Variants in MINDY3 observed in about 807,000 individuals in gnomAD.
The protein encoded by MINDY3 is ubiquitin carboxyl-terminal hydrolase MINDY-3.
A neutral mutation model predicts 69.2 loss-of-function variants in MINDY3; 38 were observed. The observed-to-expected ratio is 0.55, with a 90% CI of 0.42 to 0.72. The LOEUF (loss-of-function observed/expected upper bound fraction) is 0.72, where lower values mean the gene tolerates loss of function less well. Among genes scored for constraint, MINDY3 ranks in the 30% least tolerant of loss-of-function variants. The pLI is 0.00. For missense variants in MINDY3, 522 were observed against 519.0 expected, an observed-to-expected ratio of 1.01 and a Z score of -0.06; for synonymous variants, 192 against 180.1, an observed-to-expected ratio of 1.07 and a Z score of -0.53.
chr10:15,784,209 A>T (rs1002815299), intron 13 of MINDY3, among the ~76,000 whole-genome samples: 5 of 152,210 alleles, frequency 3.3e-5, no homozygotes, highest in Non-Finnish European at 5.9e-5. Flanking sequence ...ACAGTGCCTG[A>T]TGGAGAGTAT....
At chr10:15,791,473 A>C (rs1393999765) in intron 11 of MINDY3, among the ~76,000 whole-genome samples, 1 of 151,956 alleles carries the variant, frequency 6.6e-6, no homozygotes, top group Non-Finnish European at 1.5e-5. Flanking sequence ...AAAGAAAAAA[A>C]TAGAACTTGC....
At chr10:15,859,895 G>T (rs899502159) in intron 1 of MINDY3, among the ~76,000 whole-genome samples, 1 of 152,202 alleles carries the variant, frequency 6.6e-6, no homozygotes, top group Non-Finnish European at 1.5e-5. Flanking sequence ...ACCGGGGCAC[G>T]GGGCGCATCT....
At chr10:15,820,491 C>T (rs904967539) in intron 9 of MINDY3, among the ~76,000 whole-genome samples, 1 of 152,064 alleles carries the variant, frequency 6.6e-6, no homozygotes. Context: ...TTAGGATCTA[C>T]GAATGTGTGT....
chr10:15,778,920 A>C lies in MINDY3; in HGVS notation c.*72T>G, dbSNP rs1836299046. 7.2e-6 allele frequency: 10 copies of C among 1,383,704 alleles called. No individual in the cohort carries two copies. In the South Asian group the frequency reaches 1.3e-4, roughly 18 times the overall value. 85.7% of individuals were successfully genotyped at this position (1,383,704 alleles called of 1,614,324 possible). ...GTGATACCAGTGTTTAGCTTAATCC[A>C]GCCAATTGCCAGTCTTGACTCCTTC... On this transcript the variant is annotated 3_prime_UTR_variant, in exon 15 of 15. Coordinates refer to ENST00000277632, the MANE Select transcript of MINDY3 (RefSeq NM_024948.4).
At chr10:15,854,551 A>T (rs951045607) in intron 1 of MINDY3, among the ~76,000 whole-genome samples, 8 of 152,154 alleles carry the variant, frequency 5.3e-5, no homozygotes, top group African/African-American at 1.9e-4. Context: ...CTAGGAGAAG[A>T]AGTAAATTTT....
chr10:15,848,129 A>G (rs905916782), intron 1 of MINDY3, among the ~76,000 whole-genome samples, 186 bp from the exon 2 acceptor site: 1 of 152,084 alleles, frequency 6.6e-6, no homozygotes, highest in Non-Finnish European at 1.5e-5. Flanking sequence ...CCCACTCCCA[A>G]ATGCACGTAA....
At chr10:15,853,186 G>A (rs1360961451) in intron 1 of MINDY3, among the ~76,000 whole-genome samples, 2 of 152,102 alleles carry the variant, frequency 1.3e-5, no homozygotes, top group Non-Finnish European at 2.9e-5. Context: ...ACTGAAGGGT[G>A]TGAATTAGAA....
At chr10:15,853,341 A>C (rs1834442795) in intron 1 of MINDY3, among the ~76,000 whole-genome samples, 1 of 152,060 alleles carries the variant, frequency 6.6e-6, no homozygotes. Context: ...AGTTACAATT[A>C]TTTACATGAT....
At chr10:15,854,216 G>A (rs1834525222) in intron 1 of MINDY3, among the ~76,000 whole-genome samples, 1 of 152,142 alleles carries the variant, frequency 6.6e-6, no homozygotes, top group Admixed American at 6.5e-5. Context: ...ATACTCTGAT[G>A]TGTCAAGTTT....
At chr10:15,783,839 A>C (rs566765195) in intron 13 of MINDY3, among the ~76,000 whole-genome samples, 2 of 152,304 alleles carry the variant, frequency 1.3e-5, no homozygotes, top group African/African-American at 4.8e-5. Flanking sequence ...AAATTATTTG[A>C]ACTTAAATAA....
chr10:15,841,400 C>T, intron 4 of MINDY3, 26 bp downstream of exon 4: 1 of 1,571,858 alleles, frequency 6.4e-7, no homozygotes, highest in Non-Finnish European at 8.6e-7. Flanking sequence ...AAGAAAAAAA[C>T]TTCAGGAAAT....
chr10:15,857,628 T>G (rs1372636530), intron 1 of MINDY3, among the ~76,000 whole-genome samples: 1 of 152,112 alleles, frequency 6.6e-6, no homozygotes, highest in Non-Finnish European at 1.5e-5. Flanking sequence ...CTGCCAACTT[T>G]AAGCCCTTAA....
chr10:15,791,914 G>C (rs1250188475), intron 11 of MINDY3, among the ~76,000 whole-genome samples: 1 of 152,088 alleles, frequency 6.6e-6, no homozygotes, highest in Non-Finnish European at 1.5e-5. Context: ...AATTTTAACA[G>C]AGATACTAGC....
intron 13 of MINDY3, among the ~76,000 whole-genome samples, chr10:15,784,326 T>C (rs1444793350): frequency 6.6e-6 from 1 of 152,216 alleles, no homozygotes; most frequent in African/African-American, 2.4e-5. Context: ...CTCTACATCA[T>C]AGCAAATAAG....
intron 2 of MINDY3, among the ~76,000 whole-genome samples, chr10:15,844,470 G>A (rs1833693492): frequency 6.6e-6 from 1 of 152,062 alleles, no homozygotes; most frequent in African/African-American, 2.4e-5. Flanking sequence ...ATGGGTATAT[G>A]AATGTATTTT....
chr10:15,840,738 T>C (rs1833412380), intron 4 of MINDY3, among the ~76,000 whole-genome samples: 2 of 151,722 alleles, frequency 1.3e-5, no homozygotes, highest in South Asian at 4.1e-4. Flanking sequence ...AAGCAACTCT[T>C]AACTAGCTTC....
At chr10:15,818,298 A>G (rs1234024294) in intron 9 of MINDY3, among the ~76,000 whole-genome samples, 1 of 151,844 alleles carries the variant, frequency 6.6e-6, no homozygotes, top group Non-Finnish European at 1.5e-5. Context: ...AAAAGTGTGT[A>G]TTTAAATTAA....
At chr10:15,789,217 T>A in intron 12 of MINDY3, 30 bp downstream of exon 12, 2 of 1,550,936 alleles carry the variant, frequency 1.3e-6, no homozygotes, top group Non-Finnish European at 1.8e-6. Flanking sequence ...CTTTTTGAGT[T>A]GGCTAAATAA....
chr10:15,836,261 C>T (rs1833075677), intron 6 of MINDY3, among the ~76,000 whole-genome samples: 1 of 151,948 alleles, frequency 6.6e-6, no homozygotes. Context: ...CCAGCTTTCC[C>T]ATATAGAAAA....
Sources: gnomAD v4.1 joint callset for allele counts (sites outside exome capture counted in the v4.1 genomes callset) on GRCh38, gnomAD v4.1.1 for gene constraint, MANE v1.5 for transcripts, NCBI Gene and HGNC (gene_info 2026-07-23, HGNC 2026-07-21) for gene names.